Variants in SORCS3 observed in about 807,000 individuals in gnomAD.
SORCS3 encodes the protein sortilin related VPS10 domain containing receptor 3, also known as VPS10 domain-containing receptor SorCS3.
Under a neutral mutation model 146.3 loss-of-function variants are expected in SORCS3, and 57 were observed. The observed-to-expected ratio is 0.39, with a 90% confidence interval of 0.31 to 0.49. SORCS3 has a LOEUF of 0.49. Ranked by LOEUF, SORCS3 falls within the 20% of genes least tolerant of loss-of-function variation. SORCS3 has a pLI of 0.92. For missense variants in SORCS3, 1,341 were observed against 1,575.5 expected (o/e 0.85, Z 2.52); for synonymous variants, 653 against 618.5 (o/e 1.06, Z -0.83).
chr10:104,794,528 G>A (rs887727798), intron 1 of SORCS3, among the ~76,000 whole-genome samples: 4 of 151,410 alleles, frequency 2.6e-5, no homozygotes, highest in Non-Finnish European at 1.5e-5. Flanking sequence ...AAATGGACCA[G>A]AAGAGCCTCC....
At chr10:105,118,942 A>G (rs2133763493) in intron 7 of SORCS3, among the ~76,000 whole-genome samples, 1 of 152,376 alleles carries the variant, frequency 6.6e-6, no homozygotes, top group Admixed American at 6.5e-5. Flanking sequence ...AATTCAAGCC[A>G]GCTGCATAAA....
intron 7 of SORCS3, among the ~76,000 whole-genome samples, chr10:105,129,509 T>C (rs1330254962): frequency 6.6e-6 from 1 of 152,036 alleles, no homozygotes; most frequent in Non-Finnish European, 1.5e-5. Context: ...CTGGCGTCCT[T>C]ATCTATAACA....
At chr10:105,073,419 C>T (rs190274357) in intron 5 of SORCS3, among the ~76,000 whole-genome samples, 7 of 152,304 alleles carry the variant, frequency 4.6e-5, no homozygotes, top group Admixed American at 1.3e-4. Flanking sequence ...CTGGTACACA[C>T]GTAGAGGATC....
intron 1 of SORCS3, among the ~76,000 whole-genome samples, chr10:104,749,900 A>G (rs940296054): frequency 6.6e-6 from 1 of 152,198 alleles, no homozygotes. Context: ...GTACTATTTA[A>G]TTATATAATA....
intron 4 of SORCS3, among the ~76,000 whole-genome samples, chr10:105,005,449 G>C (rs1389517673): frequency 3.3e-5 from 5 of 152,200 alleles, no homozygotes; most frequent in Non-Finnish European, 7.3e-5. Flanking sequence ...TTATATTGGG[G>C]ATTAGGGAAA....
At chr10:104,871,340 A>G (rs1308221588) in intron 2 of SORCS3, among the ~76,000 whole-genome samples, 1 of 152,170 alleles carries the variant, frequency 6.6e-6, no homozygotes, top group African/African-American at 2.4e-5. Flanking sequence ...AAAAGTGGAA[A>G]GTCCGCTCCT....
chr10:105,128,179 A>G (rs2055989824), intron 7 of SORCS3, among the ~76,000 whole-genome samples: 1 of 152,162 alleles, frequency 6.6e-6, no homozygotes, highest in Admixed American at 6.5e-5. Flanking sequence ...CCCTCCAACA[A>G]TGTTGCTTGT....
chr10:104,789,983 T>C (rs2017477831), intron 1 of SORCS3, among the ~76,000 whole-genome samples: 1 of 152,256 alleles, frequency 6.6e-6, no homozygotes, highest in Non-Finnish European at 1.5e-5. Context: ...CTCAGGATTC[T>C]GTGCCAATGC....
chr10:104,948,367 T>C (rs1368714752), intron 3 of SORCS3, among the ~76,000 whole-genome samples: 1 of 152,056 alleles, frequency 6.6e-6, no homozygotes, highest in Non-Finnish European at 1.5e-5. Context: ...TGATGCATCA[T>C]GGAAAAAAGT....
At chr10:104,956,579 G>T (rs2019492503) in intron 3 of SORCS3, among the ~76,000 whole-genome samples, 1 of 151,900 alleles carries the variant, frequency 6.6e-6, no homozygotes, top group African/African-American at 2.4e-5. Context: ...AACCCACCAT[G>T]GTGGTGGTGG....
intron 1 of SORCS3, among the ~76,000 whole-genome samples, chr10:104,799,216 A>G (rs974497163): frequency 2.6e-5 from 4 of 152,242 alleles, no homozygotes; most frequent in Non-Finnish European, 4.4e-5. Flanking sequence ...AGGATTATAA[A>G]TCATTCTACA....
intron 19 of SORCS3, 85 bp downstream of exon 19, chr10:105,217,207 G>T: frequency 7.1e-7 from 1 of 1,407,608 alleles, no homozygotes. Flanking sequence ...TCAGAGCTGA[G>T]CCCAGGTTCA....
At chr10:104,912,997 C>T (rs988581493) in intron 2 of SORCS3, among the ~76,000 whole-genome samples, 8 of 152,004 alleles carry the variant, frequency 5.3e-5, no homozygotes, top group East Asian at 1.9e-4. Context: ...CGTACAGCAG[C>T]GGAGGGCAGT....
chr10:104,896,018 A>T (rs78698025), intron 2 of SORCS3, among the ~76,000 whole-genome samples: 2 of 152,354 alleles, frequency 1.3e-5, no homozygotes, highest in East Asian at 3.9e-4. Context: ...CTTTATATAC[A>T]TATATAAATA....
intron 9 of SORCS3, among the ~76,000 whole-genome samples, chr10:105,152,446 CATA>C (rs1303345598): frequency 2.6e-5 from 4 of 152,068 alleles, no homozygotes; most frequent in Admixed American, 2.0e-4. Flanking sequence ...TACTAATTTT[CATA>C]ATAAGTCTGC....
At chr10:104,681,916 C>CT (rs894678757) in intron 1 of SORCS3, among the ~76,000 whole-genome samples, 2 of 152,098 alleles carry the variant, frequency 1.3e-5, no homozygotes, top group Non-Finnish European at 2.9e-5. Flanking sequence ...ACATATTTCT[C>CT]TTTTTTTTCC....
intron 4 of SORCS3, among the ~76,000 whole-genome samples, chr10:105,006,897 T>C (rs1368693850): frequency 6.6e-6 from 1 of 152,228 alleles, no homozygotes; most frequent in Admixed American, 6.5e-5. Flanking sequence ...TCATTCAGCA[T>C]GTTAATTCTT....
chr10:104,804,188 G>A (rs1191156270), intron 1 of SORCS3, among the ~76,000 whole-genome samples: 1 of 152,204 alleles, frequency 6.6e-6, no homozygotes, highest in Non-Finnish European at 1.5e-5. Flanking sequence ...CAGAAGATGA[G>A]CATCTCTAGA....
intron 1 of SORCS3, among the ~76,000 whole-genome samples, chr10:104,785,944 T>C (rs2133496353): frequency 6.6e-6 from 1 of 152,330 alleles, no homozygotes; most frequent in Non-Finnish European, 1.5e-5. Context: ...GTGGTGTTAG[T>C]AATCTCAGAG....
Sources: gnomAD v4.1 joint callset for allele counts (sites outside exome capture counted in the v4.1 genomes callset) on GRCh38, gnomAD v4.1.1 for gene constraint, MANE v1.5 for transcripts, NCBI Gene and HGNC (gene_info 2026-07-23, HGNC 2026-07-21) for gene names.